SMARCA4: variants seen among roughly 807,000 people sequenced by gnomAD.
SMARCA4 encodes the protein SWI/SNF related BAF chromatin remodeling complex subunit ATPase 4, also known as SWI/SNF-related matrix-associated actin-dependent regulator of chromatin subfamily A member 4.
A neutral mutation model predicts 193.9 loss-of-function variants in SMARCA4; 31 were observed. That is an observed-to-expected ratio of 0.16 (90% CI 0.12 to 0.22). The LOEUF is 0.22. Ranked by LOEUF, SMARCA4 falls within the 10% of genes least tolerant of loss-of-function variation. SMARCA4 has a pLI of 1.00. For missense variants in SMARCA4, 1,148 were observed against 2,296.0 expected (o/e 0.50, Z 10.22); for synonymous variants, 942 against 933.1 (o/e 1.01, Z -0.17).
Position 10,986,147 on chromosome 19 carries a change from C to T in SMARCA4, c.356-42C>T, listed in dbSNP as rs2145768558. The T allele has an allele frequency of 1.3e-6, 2 of 1,511,260 alleles. No individual in the cohort carries two copies. Among genetic ancestry groups the T allele is most frequent in the South Asian group, 1.1e-5 (1 of 89,056 alleles). 93.6% of individuals were successfully genotyped at this position (1,511,260 alleles called of 1,614,324 possible). On this transcript the variant is annotated intron_variant, in intron 3 of 34. Transcript: ENST00000344626. The surrounding 1 kb of genome is among the most constrained non-coding windows in gnomAD (Gnocchi z 6.7). ...GGGAAGAGGCTGTAAAAATCACAGACATATGCTGCCGAGTGACCAGTGGGC... is the reference window on the plus strand; with the variant it reads ...GGGAAGAGGCTGTAAAAATCACAGATATATGCTGCCGAGTGACCAGTGGGC...
chr19:11,044,384 ATC>A (rs772551160), intron 30 of SMARCA4, among the ~76,000 whole-genome samples: 110 of 152,304 alleles, frequency 7.2e-4, no homozygotes, highest in Admixed American at 1.2e-3. Flanking sequence ...AATTAATAAC[ATC>A]TGTTTATTAA....
At chr19:10,994,785 A>C in intron 8 of SMARCA4, 43 bp from the exon 9 acceptor site, 1 of 1,573,324 alleles carries the variant, frequency 6.4e-7, no homozygotes, top group Non-Finnish European at 8.7e-7. Flanking sequence ...TGTGTCCACC[A>C]TGCTGCTGAA....
chr19:11,058,015 A>G lies in SMARCA4; in HGVS notation c.4425-240A>G, dbSNP rs1407389427. Among the ~76,000 whole-genome samples the G allele has an allele frequency of 2.6e-5, 4 of 151,914 alleles. No homozygotes were observed. Among genetic ancestry groups the G allele is most frequent in the African/African-American group, 9.7e-5 (4 of 41,364 alleles). ...CAGTGACTCCAAAGGCTGAGGCAGG[A>G]GAATCTCCTGAACCTGGGAGGTGGA... On this transcript the variant is annotated intron_variant, in intron 30 of 34. Coordinates refer to ENST00000344626, the MANE Select transcript of SMARCA4 (RefSeq NM_003072.5). This position sits in a 1 kb window ranked among gnomAD's most constrained non-coding sequence, Gnocchi z 5.8.
intron 11 of SMARCA4, among the ~76,000 whole-genome samples, chr19:10,996,972 C>T (rs1430816392): frequency 6.6e-6 from 1 of 151,846 alleles, no homozygotes; most frequent in African/African-American, 2.4e-5. Flanking sequence ...TCAAGTGATC[C>T]TACCCTTCGA....
intron 1 of SMARCA4, among the ~76,000 whole-genome samples, chr19:10,964,234 G>A (rs1203015986): frequency 6.6e-6 from 1 of 152,082 alleles, no homozygotes; most frequent in African/African-American, 2.4e-5. Context: ...ACCATTCCAT[G>A]TTTTGGCTGT....
chr19:10,971,596 C>T (rs986990477), intron 1 of SMARCA4, among the ~76,000 whole-genome samples: 2 of 151,464 alleles, frequency 1.3e-5, no homozygotes, highest in Non-Finnish European at 2.9e-5. Context: ...CCCACCTTGG[C>T]TTCCCAAGTA....
chr19:10,996,444 G>C (rs1229418555), intron 10 of SMARCA4, 50 bp from the exon 11 acceptor site: 1 of 1,613,684 alleles, frequency 6.2e-7, no homozygotes, highest in Non-Finnish European at 8.5e-7. Context: ...TCACGTGTGT[G>C]GCCTCAGCCT....
intron 1 of SMARCA4, among the ~76,000 whole-genome samples, chr19:10,972,981 C>T (rs1023208856): frequency 6.6e-6 from 1 of 152,058 alleles, no homozygotes; most frequent in African/African-American, 2.4e-5. Context: ...TGGCGGTGTG[C>T]GCCTGTAGTT....
At chr19:11,037,620 C>T (rs1235896747) in intron 29 of SMARCA4, among the ~76,000 whole-genome samples, 2 of 152,236 alleles carry the variant, frequency 1.3e-5, no homozygotes, top group Non-Finnish European at 2.9e-5. Flanking sequence ...TCCGTTGAAG[C>T]ACAGAAGTGT....
At chr19:10,994,067 TCTCA>T (rs1254863904) in intron 8 of SMARCA4, among the ~76,000 whole-genome samples, 3 of 151,612 alleles carry the variant, frequency 2.0e-5, no homozygotes, top group Admixed American at 6.6e-5. Context: ...TGAGATGGAG[TCTCA>T]CTCTGTCACC....
At chr19:10,970,712 C>A (rs1424783229) in intron 1 of SMARCA4, among the ~76,000 whole-genome samples, 2 of 152,184 alleles carry the variant, frequency 1.3e-5, no homozygotes, top group Admixed American at 6.6e-5. Flanking sequence ...CCGATAAAGT[C>A]CTTAACTTGT....
In SMARCA4 at chr19:10,971,490, C is replaced by CT. The variant is rs59060453; in HGVS notation, c.-32+10332dup. Among the ~76,000 whole-genome samples, 184 of 134,890 alleles carry CT rather than the reference C, an allele frequency of 1.4e-3. 1 individual carries two copies. The highest frequency in any genetic ancestry group is 8.1e-3 in the Middle Eastern group (2 of 248). 88.5% of individuals were successfully genotyped at this position (134,890 alleles called of 152,430 possible). A position where few individuals can be genotyped will look rare whatever the true frequency, so the allele number is the denominator to read the frequency against. ...TTCCACCCTCTATGTGACATTGTGT[C>CT]TTTTTTTTTTTTTTTTCTCTTTGAG... is the stretch of plus-strand genomic sequence containing the variant. On this transcript the variant is annotated intron_variant, in intron 1 of 34. Transcript: ENST00000344626.
intron 11 of SMARCA4, among the ~76,000 whole-genome samples, chr19:10,998,207 G>A (rs1204864444): frequency 6.6e-6 from 1 of 152,210 alleles, no homozygotes; most frequent in African/African-American, 2.4e-5. Context: ...ATGTCATCCA[G>A]TGGCCCCGGA....
intron 8 of SMARCA4, among the ~76,000 whole-genome samples, chr19:10,993,796 C>T (rs952092370): frequency 6.6e-6 from 1 of 152,028 alleles, no homozygotes; most frequent in African/African-American, 2.4e-5. Context: ...CAGGTGCCAG[C>T]CACCACGCCC....
intron 1 of SMARCA4, among the ~76,000 whole-genome samples, chr19:10,973,474 C>T (rs1341941240): frequency 6.6e-6 from 1 of 151,822 alleles, no homozygotes; most frequent in Non-Finnish European, 1.5e-5. Context: ...AATCTTGGCT[C>T]ACTGCAAGCT....
chr19:10,974,090 T>TA (rs1440963578), intron 1 of SMARCA4, among the ~76,000 whole-genome samples: 1 of 152,116 alleles, frequency 6.6e-6, no homozygotes, highest in East Asian at 1.9e-4. Context: ...GGACCAAACT[T>TA]AAATATAATG....
intron 13 of SMARCA4, among the ~76,000 whole-genome samples, chr19:11,005,329 A>G (rs536122779): frequency 6.6e-6 from 1 of 152,042 alleles, no homozygotes; most frequent in African/African-American, 2.4e-5. Context: ...TCTTTTAAAC[A>G]TTTTTTGGTT....
chr19:10,968,896 G>T (rs76460789), intron 1 of SMARCA4, among the ~76,000 whole-genome samples: 1,595 of 152,288 alleles, frequency 0.01, 22 homozygotes, highest in African/African-American at 0.035. Context: ...GCCTGGACTG[G>T]CTGGGCACCT....
intron 6 of SMARCA4, among the ~76,000 whole-genome samples, chr19:10,988,616 T>C (rs1469929218): frequency 2.0e-5 from 3 of 152,196 alleles, no homozygotes; most frequent in Non-Finnish European, 4.4e-5. Context: ...TGTGCATGGC[T>C]CCTTCTACTC....
Sources: allele counts gnomAD v4.1 joint callset (sites outside exome capture counted in the v4.1 genomes callset), GRCh38; gene constraint gnomAD v4.1.1; non-coding constraint Gnocchi (gnomAD v3.1); transcripts MANE v1.5; gene names NCBI Gene and HGNC (gene_info 2026-07-23, HGNC 2026-07-21).